SPIB: variants seen among roughly 807,000 people sequenced by gnomAD.
SPIB encodes transcription factor Spi-B.
Under a neutral mutation model 31.9 loss-of-function variants are expected in SPIB, and 7 were observed. The ratio of observed to expected loss-of-function variants is 0.22; its 90% confidence interval spans 0.12 to 0.41. The LOEUF (loss-of-function observed/expected upper bound fraction) is 0.41, where lower values mean the gene tolerates loss of function less well. Ranked by LOEUF, SPIB falls within the 10% of genes least tolerant of loss-of-function variation. The pLI is 1.00. For synonymous variants in SPIB, 176 were observed against 158.9 expected, an observed-to-expected ratio of 1.11 and a Z score of -0.81; for missense variants, 327 against 360.2, an observed-to-expected ratio of 0.91 and a Z score of 0.75.
chr19:50,423,217 A>G (rs572828160), intron 4 of SPIB, 180 bp downstream of exon 4: 30 of 463,356 alleles, frequency 6.5e-5, no homozygotes, highest in East Asian at 4.3e-4. Flanking sequence ...AAAAAAAAAA[A>G]AAAAAGAAAA....
Position 50,422,976 on chromosome 19 carries a change from C to G in SPIB, c.278C>G (p.Pro93Arg). The change falls in exon 4 of 6, where the codon CCC becomes CGC. Residue 93 changes from proline to arginine, a missense_variant. By Grantham distance (103) the Pro-to-Arg change is moderately radical. This residue lies in a region of SPIB where 238 missense variants were observed against 228.8 expected (regional missense o/e 1.04). Coordinates refer to ENST00000595883, the MANE Select transcript of SPIB (RefSeq NM_003121.5). ...CCTGCAGGGAACCTCGAACTGGCCC[C>G]CAGCCTGGAGGCCCCGGGGCCTGGC... The part of the protein sequence containing the change: ...YSPAGNLELA[P>R]SLEAPGPGLP... 1 of 1,579,290 alleles carries G rather than the reference C, an allele frequency of 6.3e-7. No individual in the cohort carries two copies. Among genetic ancestry groups the G allele is most frequent in the Non-Finnish European group, 8.6e-7 (1 of 1,160,794 alleles).
intron 5 of SPIB, among the ~76,000 whole-genome samples, chr19:50,424,190 C>T (rs1227839567): frequency 6.6e-6 from 1 of 152,162 alleles, no homozygotes; most frequent in Admixed American, 6.6e-5. Context: ...AAGCTGAGAT[C>T]GTTCCTTCCT....
At position 50,428,086 on chromosome 19, in the gene SPIB, C is replaced by T. The variant is rs1480683553; in HGVS notation, c.539C>T (p.Thr180Met). 2 of 1,578,244 alleles carry T rather than the reference C, an allele frequency of 1.3e-6. No individual in the cohort carries two copies. The highest frequency in any genetic ancestry group is 1.2e-5 in the South Asian group (1 of 86,610). Residue 180 changes from threonine to methionine, a missense_variant, in exon 6 of 6, where the codon ACG (threonine) becomes ATG (methionine). By Grantham distance (81) the Thr-to-Met change is moderately conservative. Around this residue, in one of 4 missense-constraint regions of SPIB, gnomAD observed 54 missense variants for 69.5 expected, o/e 0.78. Transcript: ENST00000595883. The surrounding 1 kb of genome is among the most constrained non-coding windows in gnomAD (Gnocchi z 6.5). ...RLYQFLLGLLTRGDMRECVWW... is the reference protein window; with the variant it reads ...RLYQFLLGLLMRGDMRECVWW... ...TACCAGTTCCTGCTGGGGCTACTGA[C>T]GCGCGGGGACATGCGTGAGTGCGTG...
chr19:50,424,958 C>A (rs1167062261), intron 5 of SPIB, among the ~76,000 whole-genome samples: 2 of 29,872 alleles, frequency 6.7e-5, no homozygotes, highest in African/African-American at 3.2e-4. Flanking sequence ...GACTCCGTCT[C>A]AAAAACAAAC....
chr19:50,423,701 A>G lies in SPIB; in HGVS notation c.436A>G (p.Ser146Gly), dbSNP rs754090545. The G allele has an allele frequency of 8.1e-6, 13 of 1,613,542 alleles. No individual in the cohort carries two copies. Among genetic ancestry groups the G allele is most frequent in the African/African-American group, 2.7e-5 (2 of 74,928 alleles). Residue 146 changes from serine (S) to glycine (G), a missense_variant, in exon 5 of 6, where the codon AGC becomes GGC. Physicochemically the swap from Ser to Gly is moderately conservative, Grantham distance 56. Around this residue, in one of 4 missense-constraint regions of SPIB, gnomAD observed 238 missense variants for 228.8 expected, o/e 1.04. Coordinates refer to ENST00000595883, the MANE Select transcript of SPIB (RefSeq NM_003121.5). ...CAGCCCTGCCCTGGAGGTCTCGGAC[A>G]GCGAGTCGGATGAGGCCCTCGTGGC... ...LDSPALEVSD[S>G]ESDEALVAGP...
chr19:50,422,933 G>A lies in SPIB; in HGVS notation c.235G>A (p.Glu79Lys), dbSNP rs758882487. The A allele has an allele frequency of 2.5e-5, 40 of 1,598,542 alleles. No individual in the cohort carries two copies. Among genetic ancestry groups the A allele is most frequent in the Non-Finnish European group, 2.8e-5 (33 of 1,168,852 alleles). Reference protein sequence around the residue: ...SHPQAAQLCYEPPTYSPAGNL... With the variant: ...SHPQAAQLCYKPPTYSPAGNL... ...CCCCCAGGCTGCCCAGCTCTGCTAC[G>A]AACCCCCCACCTACAGCCCTGCAGG... Residue 79 changes from glutamate (E) to lysine (K), a missense_variant, in exon 4 of 6, where the codon GAA (glutamate) becomes AAA (lysine). By Grantham distance (56) the Glu-to-Lys change is moderately conservative. Transcript: ENST00000595883.
In SPIB at chr19:50,428,697, G is replaced by A; in HGVS notation, c.*361G>A. The stretch of plus-strand genomic sequence containing the variant: ...CTTGTGATATCTGATTCCCCAGTGA[G>A]GCCTGGGACGTTTTTAAGATCGCTG... On this transcript the variant is annotated 3_prime_UTR_variant, in exon 6 of 6. Transcript: ENST00000595883. The surrounding 1 kb of genome is among the most constrained non-coding windows in gnomAD (Gnocchi z 6.5). 3.7e-6 allele frequency: 1 copy of A among 266,790 alleles called. No homozygotes were observed. The highest frequency in any genetic ancestry group is 5.3e-5 in the Admixed American group (1 of 18,770). The allele number at this position is 266,790 out of a possible 1,614,324, so 16.5% of individuals were successfully genotyped here.
In SPIB at chr19:50,418,952, C is replaced by T. The variant is rs1226044095; in HGVS notation, c.-11C>T. ...CTGCAGCGGGCGGCAAACAGCCCGCCCGGCACCACCATGCTCGCCCTGGAG... is the reference window on the plus strand; with the variant it reads ...CTGCAGCGGGCGGCAAACAGCCCGCTCGGCACCACCATGCTCGCCCTGGAG... On this transcript the variant is annotated 5_prime_UTR_variant, in exon 1 of 6. Transcript: ENST00000595883. The surrounding 1 kb of genome is among the most constrained non-coding windows in gnomAD (Gnocchi z 6.0). The T allele has an allele frequency of 6.4e-7, 1 of 1,553,650 alleles. No homozygotes were observed. The highest frequency in any genetic ancestry group is 8.7e-7 in the Non-Finnish European group (1 of 1,148,978).
At chr19:50,424,098 AATG>A (rs2122549874) in intron 5 of SPIB, among the ~76,000 whole-genome samples, 2 of 152,210 alleles carry the variant, frequency 1.3e-5, no homozygotes, top group South Asian at 4.1e-4. Flanking sequence ...CAGCAACAGA[AATG>A]ATAATGCTAT....
chr19:50,420,706 C>A (rs970403658), intron 2 of SPIB, among the ~76,000 whole-genome samples: 1 of 152,246 alleles, frequency 6.6e-6, no homozygotes, highest in Non-Finnish European at 1.5e-5. Context: ...TGGCTCACTG[C>A]AAGCTCCACC....
Position 50,428,364 on chromosome 19 carries a change from C to T in SPIB, c.*28C>T, listed in dbSNP as rs1315029236. The T allele has an allele frequency of 1.3e-6, 2 of 1,511,182 alleles. No individual in the cohort carries two copies. Among genetic ancestry groups the T allele is most frequent in the Non-Finnish European group, 1.8e-6 (2 of 1,126,968 alleles). The allele number at this position is 1,511,182 out of a possible 1,614,324, so 93.6% of individuals were successfully genotyped here. A position where few individuals can be genotyped will look rare whatever the true frequency, so the allele number is the denominator to read the frequency against. ...ACACCCGAGGCTCCCACCTGCGGAG[C>T]CGCTGGGGGACCTCACGTCCCAGCC... On this transcript the variant is annotated 3_prime_UTR_variant, in exon 6 of 6. Coordinates refer to ENST00000595883, the MANE Select transcript of SPIB (RefSeq NM_003121.5). This position sits in a 1 kb window ranked among gnomAD's most constrained non-coding sequence, Gnocchi z 6.5.
In SPIB at chr19:50,418,974, G is replaced by A. The variant is rs749286436; in HGVS notation, c.12G>A (p.Leu4=). 1.3e-6 allele frequency: 2 copies of A among 1,554,040 alleles called. No homozygotes were observed. The highest frequency in any genetic ancestry group is 1.7e-6 in the Non-Finnish European group (2 of 1,149,000). MLA[L]EAAQLDGPHF... ...CGCCCGGCACCACCATGCTCGCCCT[G>A]GAGGCTGCACAGTAAGTGAGGGCCC... The change falls in exon 1 of 6, where the codon CTG becomes CTA. Residue 4 remains leucine, a synonymous_variant. Coordinates refer to ENST00000595883, the MANE Select transcript of SPIB (RefSeq NM_003121.5). The surrounding 1 kb of genome is among the most constrained non-coding windows in gnomAD (Gnocchi z 6.0).
chr19:50,422,807 A>T lies in SPIB; in HGVS notation c.125-16A>T, dbSNP rs1446038835. The T allele has an allele frequency of 2.6e-6, 4 of 1,511,626 alleles. No individual in the cohort carries two copies. In the African/African-American group the frequency reaches 5.6e-5, roughly 21 times the overall value. 93.6% of individuals were successfully genotyped at this position (1,511,626 alleles called of 1,614,324 possible). Reference sequence around the variant, plus strand: ...CGTGAGACATCCCAGCTTCTGACTCAGTGCCCTTCCCCCAGACTCCCTGTG... The same window carrying T: ...CGTGAGACATCCCAGCTTCTGACTCTGTGCCCTTCCCCCAGACTCCCTGTG... On this transcript the variant is annotated splice_polypyrimidine_tract_variant and intron_variant, in intron 3 of 5. Transcript: ENST00000595883.
chr19:50,427,810 A>T (rs1317383664), intron 5 of SPIB, among the ~76,000 whole-genome samples: 1 of 150,654 alleles, frequency 6.6e-6, no homozygotes, highest in Non-Finnish European at 1.5e-5. Flanking sequence ...AAAGCACAGA[A>T]CGCGGAGGGG....
chr19:50,418,975 G>A lies in SPIB; in HGVS notation c.13G>A (p.Glu5Lys), dbSNP rs751663142. 13 of 1,553,924 alleles carry A rather than the reference G, an allele frequency of 8.4e-6. No homozygotes were observed. The highest frequency in any genetic ancestry group is 1.1e-5 in the Non-Finnish European group (13 of 1,149,000). ...GCCCGGCACCACCATGCTCGCCCTGGAGGCTGCACAGTAAGTGAGGGCCCC... is the reference window on the plus strand; with the variant it reads ...GCCCGGCACCACCATGCTCGCCCTGAAGGCTGCACAGTAAGTGAGGGCCCC... MLAL[E>K]AAQLDGPHFS... is the part of the protein sequence containing the mutation. The change falls in exon 1 of 6, where the codon GAG becomes AAG. Residue 5 changes from glutamate (E) to lysine (K), a missense_variant. Physicochemically the swap from Glu to Lys is moderately conservative, Grantham distance 56 (BLOSUM62 1). Around this residue, in one of 4 missense-constraint regions of SPIB, gnomAD observed 238 missense variants for 228.8 expected, o/e 1.04. Coordinates refer to ENST00000595883, the MANE Select transcript of SPIB (RefSeq NM_003121.5). This position sits in a 1 kb window ranked among gnomAD's most constrained non-coding sequence, Gnocchi z 6.0.
rs1171838114 is a variant in SPIB, at chr19:50,431,066, T to G, written c.*2730T>G. 6.6e-6 allele frequency: 1 copy of G among 152,254 alleles called. No individual in the cohort carries two copies. The highest frequency in any genetic ancestry group is 1.5e-5 in the Non-Finnish European group (1 of 68,060). The allele number at this position is 152,254 out of a possible 1,614,324, so 9.4% of individuals were successfully genotyped here. A position where few individuals can be genotyped will look rare whatever the true frequency, so the allele number is the denominator to read the frequency against. On this transcript the variant is annotated 3_prime_UTR_variant, in exon 6 of 6. Coordinates refer to ENST00000595883, the MANE Select transcript of SPIB (RefSeq NM_003121.5). ...CGACGTAGACAAACCTCCTGGGACC[T>G]TTTGTCAGGGACTGCAATCCTGCCC...
rs1329087158 is a variant in SPIB at position 50,424,782 on chromosome 19, AAAAAAAG to A, written c.490+1038_490+1044del. Among the ~76,000 whole-genome samples the A allele has an allele frequency of 2.0e-5, 3 of 151,206 alleles. No individual in the cohort carries two copies. The East Asian group carries it at 6.0e-4, about 30-fold the overall frequency. ...GCGACAGAGTAAGACTCTGTCTTAA[AAAAAAAG>A]AAAAAAGAAAGAAAAAAAAATTAAT... On this transcript the variant is annotated intron_variant, in intron 5 of 5. Coordinates refer to ENST00000595883, the MANE Select transcript of SPIB (RefSeq NM_003121.5).
At position 50,428,600 on chromosome 19, in the gene SPIB, C is replaced by T. The variant is rs1201897805; in HGVS notation, c.*264C>T. On this transcript the variant is annotated 3_prime_UTR_variant, in exon 6 of 6. Coordinates refer to ENST00000595883, the MANE Select transcript of SPIB (RefSeq NM_003121.5). This position sits in a 1 kb window ranked among gnomAD's most constrained non-coding sequence, Gnocchi z 6.5. ...GATCCTCATGTTTTGGGTGACAGGA[C>T]CTATGGACCACTATACTCGGGGAGG... 11 of 447,192 alleles carry T rather than the reference C, an allele frequency of 2.5e-5. No homozygotes were observed. The highest frequency in any genetic ancestry group is 3.2e-5 in the Non-Finnish European group (8 of 253,248). The allele number at this position is 447,192 out of a possible 1,614,324, so 27.7% of individuals were successfully genotyped here.
intron 5 of SPIB, among the ~76,000 whole-genome samples, chr19:50,426,852 G>A (rs145412669): frequency 8.0e-4 from 121 of 152,156 alleles, no homozygotes; most frequent in Non-Finnish European, 1.5e-3. Context: ...AATTCAATCC[G>A]GGTGCAGTGG....
Sources: gnomAD v4.1 joint callset for allele counts (sites outside exome capture counted in the v4.1 genomes callset) on GRCh38, gnomAD v4.1.1 for gene constraint, gnomAD v4.1.1 regional missense constraint, Gnocchi (gnomAD v3.1) non-coding constraint, MANE v1.5 for transcripts, NCBI Gene and HGNC (gene_info 2026-07-23, HGNC 2026-07-21) for gene names.